MLLT3: variants seen among roughly 807,000 people sequenced by gnomAD.
MLLT3 encodes protein AF-9.
A neutral mutation model predicts 53.2 loss-of-function variants in MLLT3; 4 were observed. That is an observed-to-expected ratio of 0.08 (90% CI 0.04 to 0.17). MLLT3 has a LOEUF of 0.17. Among genes scored for constraint, MLLT3 ranks in the 10% least tolerant of loss-of-function variants. The pLI, the probability that MLLT3 is intolerant of heterozygous loss-of-function variation, is 1.00. For synonymous variants in MLLT3, 283 were observed against 230.6 expected (o/e 1.23, Z -2.06); for missense variants, 569 against 684.0 (o/e 0.83, Z 1.87).
chr9:20,606,992 G>C (rs1458121609), intron 2 of MLLT3, among the ~76,000 whole-genome samples: 1 of 152,092 alleles, frequency 6.6e-6, no homozygotes, highest in South Asian at 2.1e-4. Flanking sequence ...AGAACACCTT[G>C]TCCTCTGGTT....
At chr9:20,361,652 C>A (rs1467719443) in intron 7 of MLLT3, among the ~76,000 whole-genome samples, 3 of 152,156 alleles carry the variant, frequency 2.0e-5, no homozygotes, top group African/African-American at 7.2e-5. Flanking sequence ...GAACTAAAGA[C>A]AATCCACACC....
rs970490472 is a variant in MLLT3 at position 20,370,574 on chromosome 9, G to A, written c.1126-4830C>T. Among the ~76,000 whole-genome samples the A allele has an allele frequency of 3.3e-5, 5 of 152,026 alleles. No individual in the cohort carries two copies. The East Asian group carries it at 9.7e-4, about 29-fold the overall frequency. On this transcript the variant is annotated intron_variant, in intron 5 of 10. Transcript: ENST00000380338. ...TGCCTAGGCTGCAGTACAATGGCAGGATCTCAGCTCACTGCAACCTCTGCC... is the reference window on the plus strand; with the variant it reads ...TGCCTAGGCTGCAGTACAATGGCAGAATCTCAGCTCACTGCAACCTCTGCC...
At chr9:20,388,594 A>T (rs114059903) in intron 5 of MLLT3, among the ~76,000 whole-genome samples, 2,028 of 152,306 alleles carry the variant, frequency 0.013, 35 homozygotes, top group African/African-American at 0.042. Flanking sequence ...TCTCAAAAAA[A>T]CAAAACTATT....
intron 2 of MLLT3, among the ~76,000 whole-genome samples, chr9:20,484,949 G>C (rs1206214492): frequency 6.6e-6 from 1 of 151,750 alleles, no homozygotes; most frequent in African/African-American, 2.4e-5. Flanking sequence ...ATTTACATAA[G>C]TCCCCTATTG....
intron 3 of MLLT3, among the ~76,000 whole-genome samples, chr9:20,455,581 T>G (rs1281682208): frequency 6.6e-6 from 1 of 152,196 alleles, no homozygotes; most frequent in Non-Finnish European, 1.5e-5. Flanking sequence ...AGAACCATAT[T>G]TTACTGAGCA....
Position 20,378,400 on chromosome 9 carries a change from T to C in MLLT3, c.1126-12656A>G, listed in dbSNP as rs184358745. On this transcript the variant is annotated intron_variant, in intron 5 of 10. Coordinates refer to ENST00000380338, the MANE Select transcript of MLLT3 (RefSeq NM_004529.4). ...CTCATTATAACTCACACAGAGAGCATCCAGATTTTTGTCATTTTACAGTAT... is the reference window on the plus strand; with the variant it reads ...CTCATTATAACTCACACAGAGAGCACCCAGATTTTTGTCATTTTACAGTAT... Among the ~76,000 whole-genome samples, 89 of 152,164 alleles carry C rather than the reference T, an allele frequency of 5.8e-4. 1 individual carries two copies. Among genetic ancestry groups the C allele is most frequent in the Admixed American group, 3.7e-3 (56 of 15,286 alleles).
intron 2 of MLLT3, among the ~76,000 whole-genome samples, chr9:20,580,619 A>G (rs1819766821): frequency 1.3e-5 from 2 of 152,178 alleles, no homozygotes; most frequent in Non-Finnish European, 2.9e-5. Flanking sequence ...CTGCTAATCA[A>G]AAAGTGACTA....
intron 2 of MLLT3, among the ~76,000 whole-genome samples, chr9:20,586,014 C>T (rs561554129): frequency 2.6e-5 from 4 of 152,082 alleles, no homozygotes; most frequent in Non-Finnish European, 1.5e-5. Flanking sequence ...AACCAGAAAG[C>T]CTCTTAAAGA....
chr9:20,382,131 T>G (rs765317590), intron 5 of MLLT3, among the ~76,000 whole-genome samples: 89 of 151,894 alleles, frequency 5.9e-4, no homozygotes, highest in Admixed American at 9.2e-4. Flanking sequence ...TCTATTTTTT[T>G]CTTAATTAGA....
intron 2 of MLLT3, among the ~76,000 whole-genome samples, chr9:20,563,804 G>A (rs1198362060): frequency 2.6e-5 from 4 of 152,034 alleles, no homozygotes; most frequent in African/African-American, 7.2e-5. Flanking sequence ...GTCCAACACT[G>A]CTATAATAAG....
Position 20,345,503 on chromosome 9 carries a change from T to G in MLLT3, c.*940A>C, listed in dbSNP as rs953554668. ...GAAAACAGGACCAGAATTCTTTTTT[T>G]TTAAATGATGATCCTGTGGAATGCC... On this transcript the variant is annotated 3_prime_UTR_variant, in exon 11 of 11. Coordinates refer to ENST00000380338, the MANE Select transcript of MLLT3 (RefSeq NM_004529.4). 3 of 203,310 alleles carry G rather than the reference T, an allele frequency of 1.5e-5. No homozygotes were observed. The highest frequency in any genetic ancestry group is 2.0e-5 in the Non-Finnish European group (2 of 99,090). The allele number at this position is 203,310 out of a possible 1,614,324, so 12.6% of individuals were successfully genotyped here.
chr9:20,430,462 C>G (rs368415794), intron 4 of MLLT3, among the ~76,000 whole-genome samples: 2 of 152,144 alleles, frequency 1.3e-5, no homozygotes, highest in African/African-American at 4.8e-5. Context: ...CCCTTCCAAA[C>G]AGACTCATAA....
At chr9:20,400,915 T>C (rs961282170) in intron 5 of MLLT3, among the ~76,000 whole-genome samples, 1 of 152,170 alleles carries the variant, frequency 6.6e-6, no homozygotes, top group African/African-American at 2.4e-5. Flanking sequence ...TTCTAGAATT[T>C]GTATTTTAGA....
In MLLT3 at chr9:20,414,336, GCTGCTGCTA is replaced by G. The variant is rs1192093587; in HGVS notation, c.501_509del (p.Ser188_Ser190del). On this transcript the variant is annotated inframe_deletion, in exon 5 of 11. Coordinates refer to ENST00000380338, the MANE Select transcript of MLLT3 (RefSeq NM_004529.4). Reference sequence around the variant, plus strand: ...TACTGCTGCTGCTGCTGCTGCTGCTGCTGCTGCTACTGCTGCTGCTGCTGCTGCTGCTGC... The same window carrying G: ...TACTGCTGCTGCTGCTGCTGCTGCTGCTGCTGCTGCTGCTGCTGCTGCTGC... 4.4e-5 allele frequency: 71 copies of G among 1,605,324 alleles called. No homozygotes were observed. Among genetic ancestry groups the G allele is most frequent in the African/African-American group, 2.7e-4 (20 of 74,532 alleles).
intron 2 of MLLT3, among the ~76,000 whole-genome samples, chr9:20,549,278 A>C (rs1818868573): frequency 6.6e-6 from 1 of 152,206 alleles, no homozygotes; most frequent in Non-Finnish European, 1.5e-5. Flanking sequence ...GTGAGCCAAA[A>C]CACTGGACAC....
At chr9:20,508,747 G>C (rs891173292) in intron 2 of MLLT3, among the ~76,000 whole-genome samples, 1 of 152,082 alleles carries the variant, frequency 6.6e-6, no homozygotes, top group African/African-American at 2.4e-5. Flanking sequence ...GTTCACTAAT[G>C]GAAGTATAAA....
chr9:20,613,498 G>A (rs1820752163), intron 2 of MLLT3, among the ~76,000 whole-genome samples: 1 of 151,790 alleles, frequency 6.6e-6, no homozygotes, highest in Non-Finnish European at 1.5e-5. Context: ...TCCAAACAAG[G>A]AATCAAATAA....
At chr9:20,363,360 T>C (rs1039120189) in intron 7 of MLLT3, 116 bp downstream of exon 7, 19 of 1,208,118 alleles carry the variant, frequency 1.6e-5, no homozygotes, top group Middle Eastern at 2.7e-4. Flanking sequence ...ATCAAATGAA[T>C]GTGACCATCT....
chr9:20,395,993 G>C (rs973497683), intron 5 of MLLT3, among the ~76,000 whole-genome samples: 1 of 152,122 alleles, frequency 6.6e-6, no homozygotes, highest in African/African-American at 2.4e-5. Flanking sequence ...GGAGAAAGCA[G>C]AATCCCTACC....
Sources: allele counts gnomAD v4.1 joint callset (sites outside exome capture counted in the v4.1 genomes callset), GRCh38; gene constraint gnomAD v4.1.1; transcripts MANE v1.5; gene names NCBI Gene and HGNC (gene_info 2026-07-23, HGNC 2026-07-21).